Variants in EML6 observed in about 807,000 individuals in gnomAD.
The protein encoded by EML6 is EMAP like 6, also known as echinoderm microtubule-associated protein-like 6.
EML6 carries 154 observed loss-of-function variants against 240.1 expected under a neutral mutation model. The observed-to-expected ratio is 0.64, with a 90% confidence interval of 0.56 to 0.73. The LOEUF is 0.73. Ranked by LOEUF, EML6 falls within the 30% of genes least tolerant of loss-of-function variation. The pLI is 0.00. For synonymous variants in EML6, 1,148 were observed against 899.0 expected, an observed-to-expected ratio of 1.28 and a Z score of -4.95; for missense variants, 2,964 against 2,474.6, an observed-to-expected ratio of 1.20 and a Z score of -4.20.
chr2:54,788,229 C>T (rs373718540), intron 2 of EML6, among the ~76,000 whole-genome samples: 2 of 152,224 alleles, frequency 1.3e-5, no homozygotes, highest in East Asian at 1.9e-4. Flanking sequence ...CAGATGGCTC[C>T]CGCTTCCTGT....
At chr2:54,927,633 C>G (rs1042967656) in intron 26 of EML6, among the ~76,000 whole-genome samples, 4 of 152,228 alleles carry the variant, frequency 2.6e-5, no homozygotes, top group African/African-American at 9.6e-5. Context: ...GCATGAGCAG[C>G]TGACTCACAT....
chr2:54,889,478 C>T (rs970581745), intron 17 of EML6, among the ~76,000 whole-genome samples: 12 of 81,230 alleles, frequency 1.5e-4, no homozygotes, highest in Admixed American at 1.1e-3. Context: ...TCTTACTTAT[C>T]AGGTCTTTTT....
intron 25 of EML6, among the ~76,000 whole-genome samples, chr2:54,912,110 T>C (rs1673674046): frequency 1.3e-5 from 2 of 152,254 alleles, no homozygotes; most frequent in African/African-American, 4.8e-5. Flanking sequence ...AGGTTCTCCC[T>C]AAGACATTTG....
At chr2:54,736,913 A>G (rs754904969) in intron 2 of EML6, among the ~76,000 whole-genome samples, 1 of 152,216 alleles carries the variant, frequency 6.6e-6, no homozygotes, top group Non-Finnish European at 1.5e-5. Flanking sequence ...CTACAATACA[A>G]CTGGTCTGGA....
chr2:54,943,163 A>G (rs1281123563), intron 28 of EML6, among the ~76,000 whole-genome samples: 2 of 152,230 alleles, frequency 1.3e-5, no homozygotes, highest in African/African-American at 4.8e-5. Flanking sequence ...AACAGAAGCC[A>G]CTGGCACGCA....
In EML6 at chr2:54,916,900, T is replaced by G. The variant is rs1403610142; in HGVS notation, c.3640T>G (p.Phe1214Val). ...DCSLLATGDD[F>V]GFVKLFSYPV... ...TTCCCTTTTAGCCACCGGAGATGAT[T>G]TTGGTTTCGTTAAGCTTTTTTCATA... The change falls in exon 26 of 42, where the codon TTT becomes GTT. Residue 1214 changes from phenylalanine (F) to valine (V), a missense_variant. Physicochemically the swap from Phe to Val is conservative, Grantham distance 50. Coordinates refer to ENST00000356458, the MANE Select transcript of EML6 (RefSeq NM_001039753.4). The G allele has an allele frequency of 6.5e-7, 1 of 1,548,046 alleles. No homozygotes were observed. The highest frequency in any genetic ancestry group is 2.5e-5 in the East Asian group (1 of 40,804).
chr2:54,927,650 C>G (rs938180337), intron 26 of EML6, among the ~76,000 whole-genome samples: 9 of 152,222 alleles, frequency 5.9e-5, no homozygotes, highest in African/African-American at 1.9e-4. Context: ...ACATTCCACC[C>G]TCCACCCGGG....
intron 4 of EML6, among the ~76,000 whole-genome samples, chr2:54,819,112 C>G (rs983701197): frequency 2.0e-5 from 3 of 152,164 alleles, no homozygotes; most frequent in African/African-American, 7.2e-5. Context: ...ATACTTGGAC[C>G]AAGTACTTTT....
In EML6 at chr2:54,957,908, G is replaced by A. The variant is rs1676308615; in HGVS notation, c.4605G>A (p.Leu1535=). Residue 1535 remains leucine, a synonymous_variant, in exon 33 of 42, where the codon CTG becomes CTA. Coordinates refer to ENST00000356458, the MANE Select transcript of EML6 (RefSeq NM_001039753.4). ...TCAAACATATGAAGTTCTGGACCCT[G>A]GCAGGCAGCGCCTTGCTTTACAAGA... ...VGVKHMKFWT[L]AGSALLYKKG... The A allele has an allele frequency of 1.3e-6, 2 of 1,551,546 alleles. No individual in the cohort carries two copies. The highest frequency in any genetic ancestry group is 2.7e-5 in the African/African-American group (2 of 73,044).
chr2:54,859,583 C>T lies in EML6; in HGVS notation c.1707C>T (p.Val569=). 1 of 1,551,330 alleles carries T rather than the reference C, an allele frequency of 6.4e-7. No individual in the cohort carries two copies. The highest frequency in any genetic ancestry group is 8.7e-7 in the Non-Finnish European group (1 of 1,146,858). The change falls in exon 12 of 42, where the codon GTC becomes GTT. Residue 569 remains valine, a synonymous_variant. Coordinates refer to ENST00000356458, the MANE Select transcript of EML6 (RefSeq NM_001039753.4). ...YVGHSAHVTN[V]RWSHDFQWVL... ...GCCATTCTGCACATGTCACAAATGT[C>T]CGCTGGTCCCATGACTTTCAGTGGG...
chr2:54,922,884 G>T (rs921960933), intron 26 of EML6, among the ~76,000 whole-genome samples: 1 of 151,206 alleles, frequency 6.6e-6, no homozygotes, highest in African/African-American at 2.4e-5. Context: ...TGGTGGCCAA[G>T]GACTGGAGAG....
chr2:54,732,655 A>C (rs1471886241), intron 2 of EML6, among the ~76,000 whole-genome samples: 1 of 152,258 alleles, frequency 6.6e-6, no homozygotes, highest in Non-Finnish European at 1.5e-5. Context: ...GGGGATCCAG[A>C]AATGGAAATA....
intron 7 of EML6, among the ~76,000 whole-genome samples, chr2:54,840,083 A>G (rs558578594): frequency 6.6e-6 from 1 of 152,336 alleles, no homozygotes; most frequent in Non-Finnish European, 1.5e-5. Flanking sequence ...TTGCTTCCTG[A>G]TAATGCTGAA....
intron 2 of EML6, among the ~76,000 whole-genome samples, chr2:54,811,398 T>A (rs1438060990): frequency 6.6e-6 from 1 of 152,198 alleles, no homozygotes; most frequent in Non-Finnish European, 1.5e-5. Context: ...GTGAATCCCC[T>A]TTGCACCTTG....
Position 54,813,305 on chromosome 2 carries a change from G to C in EML6, c.271G>C (p.Asp91His). 6.4e-7 allele frequency: 1 copy of C among 1,550,606 alleles called. No individual in the cohort carries two copies. The highest frequency in any genetic ancestry group is 8.7e-7 in the Non-Finnish European group (1 of 1,145,942). ...GAAGGAGCCATATATATGCATATGG[G>C]ATTCCTATAATGTCCAGACTGTGTC... ...VGKEPYICIWDSYNVQTVSLL... is the reference protein window; with the variant it reads ...VGKEPYICIWHSYNVQTVSLL... The change falls in exon 3 of 42, where the codon GAT becomes CAT. Residue 91 changes from aspartate (D) to histidine (H), a missense_variant. Physicochemically the swap from Asp to His is moderately conservative, Grantham distance 81. Transcript: ENST00000356458.
chr2:54,962,083 GTTT>G (rs533390678), intron 35 of EML6, among the ~76,000 whole-genome samples: 1 of 132,256 alleles, frequency 7.6e-6, no homozygotes. Context: ...CAAGTTACTT[GTTT>G]TTTTTTTTTT....
intron 17 of EML6, among the ~76,000 whole-genome samples, chr2:54,888,838 C>A (rs1001718030): frequency 6.6e-6 from 1 of 152,138 alleles, no homozygotes; most frequent in Non-Finnish European, 1.5e-5. Flanking sequence ...GTGCAGGTTT[C>A]TGTGTGGACA....
At chr2:54,906,157 G>T (rs1180536692) in intron 24 of EML6, among the ~76,000 whole-genome samples, 1 of 152,158 alleles carries the variant, frequency 6.6e-6, no homozygotes, top group Non-Finnish European at 1.5e-5. Flanking sequence ...GTACACAAGG[G>T]TTCAAATCTC....
intron 28 of EML6, among the ~76,000 whole-genome samples, chr2:54,942,034 CTAAGTGAA>C (rs1199276491): frequency 6.6e-6 from 1 of 152,138 alleles, no homozygotes; most frequent in Non-Finnish European, 1.5e-5. Flanking sequence ...TGATTTTTTT[CTAAGTGAA>C]TATGATGCTA....
Sources: allele counts gnomAD v4.1 joint callset (sites outside exome capture counted in the v4.1 genomes callset), GRCh38; gene constraint gnomAD v4.1.1; transcripts MANE v1.5; gene names NCBI Gene and HGNC (gene_info 2026-07-23, HGNC 2026-07-21).